Variants in GRID2 observed in about 807,000 individuals in gnomAD.
GRID2 encodes glutamate receptor ionotropic, delta-2.
GRID2 carries 33 observed loss-of-function variants against 114.8 expected under a neutral mutation model. The ratio of observed to expected loss-of-function variants is 0.29; its 90% confidence interval spans 0.22 to 0.38. The LOEUF (loss-of-function observed/expected upper bound fraction) is 0.38, where lower values mean the gene tolerates loss of function less well. GRID2 is among the 10% of genes least tolerant of loss of function. The probability of loss-of-function intolerance (pLI) is 1.00; values close to 1 mark genes in which losing one functional copy is unlikely to be tolerated. For missense variants in GRID2, 1,184 were observed against 1,257.7 expected, an observed-to-expected ratio of 0.94 and a Z score of 0.89; for synonymous variants, 505 against 449.9, an observed-to-expected ratio of 1.12 and a Z score of -1.55.
intron 2 of GRID2, among the ~76,000 whole-genome samples, chr4:92,815,714 A>G (rs762316393): frequency 1.3e-5 from 2 of 151,514 alleles, no homozygotes; most frequent in Non-Finnish European, 2.9e-5. Flanking sequence ...GGAGTTCAAT[A>G]CCAGCCTGGG....
intron 15 of GRID2, among the ~76,000 whole-genome samples, chr4:93,770,476 A>C (rs1273143873): frequency 6.6e-6 from 1 of 152,206 alleles, no homozygotes; most frequent in Non-Finnish European, 1.5e-5. Flanking sequence ...GTGATTTCAA[A>C]AGTAGTGTAA....
At chr4:93,307,203 GA>G (rs1464602003) in intron 8 of GRID2, among the ~76,000 whole-genome samples, 1 of 124,128 alleles carries the variant, frequency 8.1e-6, no homozygotes, top group Non-Finnish European at 1.7e-5. Context: ...CTCCGTCTCA[GA>G]AAGAAAAAAA....
rs534332684 is a variant in GRID2 at position 93,207,446 on chromosome 4, A to G, written c.778A>G (p.Ile260Val). 2.7e-5 allele frequency: 43 copies of G among 1,591,532 alleles called. No individual in the cohort carries two copies. In the East Asian group the frequency reaches 9.0e-4, roughly 33 times the overall value. ...GGTTGCTTTTGACTGTCACTGGATC[A>G]TTATAAATGAGGTAAAGCCAACTAA... ...NLVAFDCHWIIINEEINDVDV... is the reference protein window; with the variant it reads ...NLVAFDCHWIVINEEINDVDV... The change falls in exon 5 of 16, where the codon ATT becomes GTT. Residue 260 changes from isoleucine to valine, a missense_variant. Coordinates refer to ENST00000282020, the MANE Select transcript of GRID2 (RefSeq NM_001510.4).
intron 2 of GRID2, among the ~76,000 whole-genome samples, chr4:92,818,425 A>T (rs1741051531): frequency 6.6e-6 from 1 of 152,124 alleles, no homozygotes; most frequent in Non-Finnish European, 1.5e-5. Context: ...AAAGATAATG[A>T]TGGAGAATTT....
At chr4:92,944,279 G>T (rs1578556699) in intron 2 of GRID2, among the ~76,000 whole-genome samples, 1 of 152,194 alleles carries the variant, frequency 6.6e-6, no homozygotes, top group African/African-American at 2.4e-5. Flanking sequence ...AATTGTGGGT[G>T]CCCCTCCCCC....
intron 13 of GRID2, among the ~76,000 whole-genome samples, chr4:93,599,102 A>G (rs1050883210): frequency 2.6e-5 from 4 of 152,330 alleles, no homozygotes; most frequent in Admixed American, 1.3e-4. Flanking sequence ...AAAACCAGGA[A>G]ATGATACTGT....
chr4:93,332,311 A>T (rs1260283064), intron 8 of GRID2, among the ~76,000 whole-genome samples: 1 of 150,924 alleles, frequency 6.6e-6, no homozygotes, highest in Admixed American at 6.6e-5. Context: ...AGAGAGAGAG[A>T]GAGAGAGAGA....
chr4:93,710,245 G>T (rs1728368591), intron 14 of GRID2, among the ~76,000 whole-genome samples: 1 of 152,196 alleles, frequency 6.6e-6, no homozygotes, highest in South Asian at 2.1e-4. Flanking sequence ...GGAATTGAAT[G>T]TTGTGATTTA....
chr4:92,966,876 A>C (rs1578627922), intron 2 of GRID2, among the ~76,000 whole-genome samples: 1 of 152,066 alleles, frequency 6.6e-6, no homozygotes, highest in South Asian at 2.1e-4. Flanking sequence ...AGCTAACTTT[A>C]ATTAGTAACT....
At chr4:92,766,784 A>C (rs1738291575) in intron 2 of GRID2, among the ~76,000 whole-genome samples, 1 of 152,196 alleles carries the variant, frequency 6.6e-6, no homozygotes, top group African/African-American at 2.4e-5. Context: ...TTAGAGAAAT[A>C]ACTTTATCTC....
At chr4:92,721,892 G>A (rs1218118377) in intron 2 of GRID2, among the ~76,000 whole-genome samples, 3 of 152,120 alleles carry the variant, frequency 2.0e-5, no homozygotes, top group Non-Finnish European at 4.4e-5. Flanking sequence ...TTCCTAAAAT[G>A]AAATAAACAT....
At chr4:92,561,364 T>C (rs551266340) in intron 1 of GRID2, among the ~76,000 whole-genome samples, 187 of 152,350 alleles carry the variant, frequency 1.2e-3, no homozygotes, top group African/African-American at 3.8e-3. Flanking sequence ...AGTTTATACC[T>C]TACTTCCATG....
intron 2 of GRID2, among the ~76,000 whole-genome samples, chr4:92,647,109 C>T (rs1487420367): frequency 6.6e-6 from 1 of 152,200 alleles, no homozygotes; most frequent in East Asian, 1.9e-4. Context: ...AGGAGGGATT[C>T]AGAAACATTT....
At chr4:93,217,177 A>G (rs1230108392) in intron 6 of GRID2, 2 of 235,626 alleles carry the variant, frequency 8.5e-6, no homozygotes, top group Admixed American at 5.1e-5. Context: ...GGTCCATAAC[A>G]TTTCCCACAG....
chr4:92,787,968 A>G (rs1739401586), intron 2 of GRID2, among the ~76,000 whole-genome samples: 1 of 151,822 alleles, frequency 6.6e-6, no homozygotes, highest in Admixed American at 6.6e-5. Flanking sequence ...AATGGAACAT[A>G]CATGGGGAGG....
intron 1 of GRID2, among the ~76,000 whole-genome samples, chr4:92,550,354 A>G (rs1726521503): frequency 6.6e-6 from 1 of 152,194 alleles, no homozygotes; most frequent in Non-Finnish European, 1.5e-5. Flanking sequence ...ATACATATTT[A>G]GTTTATAATA....
At chr4:92,453,880 A>G (rs1016007088) in intron 1 of GRID2, among the ~76,000 whole-genome samples, 1 of 152,206 alleles carries the variant, frequency 6.6e-6, no homozygotes, top group African/African-American at 2.4e-5. Flanking sequence ...ACTTAAGACC[A>G]CTGACTGTTT....
At chr4:92,839,721 A>G (rs915838055) in intron 2 of GRID2, among the ~76,000 whole-genome samples, 1 of 151,934 alleles carries the variant, frequency 6.6e-6, no homozygotes, top group Non-Finnish European at 1.5e-5. Context: ...GACCGTCTTG[A>G]GACTTGTGAC....
At chr4:93,121,259 G>A (rs774021701) in intron 4 of GRID2, among the ~76,000 whole-genome samples, 19 of 151,992 alleles carry the variant, frequency 1.3e-4, no homozygotes, top group South Asian at 2.1e-4. Context: ...ACAAATTTCC[G>A]TGTGACCATC....
Sources: allele counts gnomAD v4.1 joint callset (sites outside exome capture counted in the v4.1 genomes callset), GRCh38; gene constraint gnomAD v4.1.1; transcripts MANE v1.5; gene names NCBI Gene and HGNC (gene_info 2026-07-23, HGNC 2026-07-21).